MIPOL1: variants seen among roughly 807,000 people sequenced by gnomAD.
MIPOL1 encodes the protein mirror-image polydactyly 1.
MIPOL1 carries 57 observed loss-of-function variants against 60.9 expected under a neutral mutation model. The ratio of observed to expected loss-of-function variants is 0.94; its 90% CI spans 0.76 to 1.17. The LOEUF is 1.17. Among genes scored for constraint, MIPOL1 ranks in the 50% most tolerant of loss-of-function variants. The pLI, the probability that MIPOL1 is intolerant of heterozygous loss-of-function variation, is 0.00. For missense variants in MIPOL1, 551 were observed against 511.6 expected, an observed-to-expected ratio of 1.08 and a Z score of -0.74; for synonymous variants, 179 against 168.8, an observed-to-expected ratio of 1.06 and a Z score of -0.47.
At chr14:37,334,405 A>G (rs1173923860) in intron 9 of MIPOL1, among the ~76,000 whole-genome samples, 1 of 152,068 alleles carries the variant, frequency 6.6e-6, no homozygotes, top group African/African-American at 2.4e-5. Context: ...TATAAGGGAC[A>G]GTCAAGACTG....
intron 1 of MIPOL1, among the ~76,000 whole-genome samples, chr14:37,235,076 C>T (rs1971261834): frequency 1.3e-5 from 2 of 151,804 alleles, no homozygotes; most frequent in Admixed American, 1.3e-4. Context: ...CAGGCGTGAG[C>T]CATTGTGCCC....
chr14:37,434,150 C>G (rs1179199916), intron 11 of MIPOL1, among the ~76,000 whole-genome samples: 1 of 152,192 alleles, frequency 6.6e-6, no homozygotes, highest in Non-Finnish European at 1.5e-5. Flanking sequence ...CTCCCACCAA[C>G]AGTGTAAAAG....
intron 1 of MIPOL1, among the ~76,000 whole-genome samples, chr14:37,210,722 G>C (rs1966771432): frequency 6.6e-6 from 1 of 152,142 alleles, no homozygotes. Context: ...AATAGGGAAA[G>C]TCACAAACCT....
chr14:37,471,189 T>TA (rs1308125445), intron 11 of MIPOL1, among the ~76,000 whole-genome samples: 1 of 152,058 alleles, frequency 6.6e-6, no homozygotes, highest in Non-Finnish European at 1.5e-5. Context: ...GTTGAGAAGA[T>TA]AAAGACAGCA....
chr14:37,473,937 C>T (rs1463004715), intron 11 of MIPOL1, among the ~76,000 whole-genome samples: 2 of 152,160 alleles, frequency 1.3e-5, no homozygotes, highest in African/African-American at 4.8e-5. Context: ...CTCCCTTCCT[C>T]TGAATCCCTA....
intron 7 of MIPOL1, among the ~76,000 whole-genome samples, chr14:37,295,944 C>A (rs574070181): frequency 6.6e-6 from 1 of 152,066 alleles, no homozygotes; most frequent in Non-Finnish European, 1.5e-5. Flanking sequence ...CAGCTCTGCA[C>A]CAAGCAGACC....
intron 11 of MIPOL1, among the ~76,000 whole-genome samples, chr14:37,425,897 T>C (rs2093952641): frequency 6.6e-6 from 1 of 152,148 alleles, no homozygotes; most frequent in African/African-American, 2.4e-5. Context: ...AACAGAGTAT[T>C]AGATATAGAC....
At chr14:37,403,843 T>C (rs1595616388) in intron 10 of MIPOL1, among the ~76,000 whole-genome samples, 1 of 152,192 alleles carries the variant, frequency 6.6e-6, no homozygotes, top group South Asian at 2.1e-4. Context: ...ATGAGGAAGG[T>C]TTGTGAAAGG....
At chr14:37,400,866 T>C (rs1222267347) in intron 10 of MIPOL1, 1 of 152,140 alleles carries the variant, frequency 6.6e-6, no homozygotes, top group Non-Finnish European at 1.5e-5. Flanking sequence ...CCATCTGATA[T>C]GAATAGCCTT....
intron 9 of MIPOL1, among the ~76,000 whole-genome samples, chr14:37,367,500 A>ATATT (rs1227105961): frequency 1.3e-5 from 2 of 152,188 alleles, no homozygotes; most frequent in East Asian, 3.9e-4. Flanking sequence ...TGAAAATAAT[A>ATATT]GGTGGTCACA....
chr14:37,252,649 A>G (rs1232044594), intron 3 of MIPOL1, among the ~76,000 whole-genome samples: 1 of 151,904 alleles, frequency 6.6e-6, no homozygotes, highest in Non-Finnish European at 1.5e-5. Context: ...AACCTCTTGT[A>G]TTATTGATTC....
At chr14:37,322,344 A>G (rs2088667357) in intron 9 of MIPOL1, among the ~76,000 whole-genome samples, 1 of 151,914 alleles carries the variant, frequency 6.6e-6, no homozygotes, top group Non-Finnish European at 1.5e-5. Flanking sequence ...TATCCAATCA[A>G]TTCATGTTCC....
rs994372333 is a variant in MIPOL1 at position 37,500,287 on chromosome 14, T to G, written c.1262+149T>G. ...ACCCAGTGAACTTTTTTAGATTGGATACCATATGCCATATTTGGGGTCAAA... is the reference window on the plus strand; with the variant it reads ...ACCCAGTGAACTTTTTTAGATTGGAGACCATATGCCATATTTGGGGTCAAA... On this transcript the variant is annotated intron_variant, in intron 12 of 12. Coordinates refer to ENST00000684589, the MANE Select transcript of MIPOL1 (RefSeq NM_001388067.1). 4 of 645,586 alleles carry G rather than the reference T, an allele frequency of 6.2e-6. No homozygotes were observed. The Admixed American group carries it at 9.1e-5, about 15-fold the overall frequency. The allele number at this position is 645,586 out of a possible 1,614,324, so 40.0% of individuals were successfully genotyped here. A position where few individuals can be genotyped will look rare whatever the true frequency, so the allele number is the denominator to read the frequency against.
At chr14:37,331,340 T>C (rs1424540440) in intron 9 of MIPOL1, among the ~76,000 whole-genome samples, 1 of 152,120 alleles carries the variant, frequency 6.6e-6, no homozygotes, top group Non-Finnish European at 1.5e-5. Flanking sequence ...TGTAGGTTGC[T>C]TTGAGTAGTA....
At chr14:37,242,343 C>G (rs1972491014) in intron 1 of MIPOL1, among the ~76,000 whole-genome samples, 4 of 152,012 alleles carry the variant, frequency 2.6e-5, no homozygotes, top group Admixed American at 1.3e-4. Flanking sequence ...TGTGCCTATT[C>G]AAGCATGTAT....
intron 12 of MIPOL1, among the ~76,000 whole-genome samples, chr14:37,532,436 T>C (rs1185973554): frequency 6.6e-6 from 1 of 152,240 alleles, no homozygotes; most frequent in Non-Finnish European, 1.5e-5. Context: ...ATGTATGTGA[T>C]TTAATTTCAA....
rs2095550520 is a variant in MIPOL1, at chr14:37,547,140, T to C, written c.*169T>C. 3.4e-6 allele frequency: 2 copies of C among 586,788 alleles called. No homozygotes were observed. Among genetic ancestry groups the C allele is most frequent in the South Asian group, 4.8e-5 (2 of 41,430 alleles). 36.3% of individuals were successfully genotyped at this position (586,788 alleles called of 1,614,324 possible). ...ATCAAATCACAAATGTTTAACCACT[T>C]TGCTGCTGACTTGAGTTATTTATCC... On this transcript the variant is annotated 3_prime_UTR_variant, in exon 13 of 13. Transcript: ENST00000684589.
intron 9 of MIPOL1, among the ~76,000 whole-genome samples, chr14:37,330,017 A>G (rs1194374368): frequency 6.4e-5 from 2 of 31,394 alleles, no homozygotes; most frequent in East Asian, 1.2e-3. Flanking sequence ...TAGTAGTTGT[A>G]TTAGCCAGAG....
At chr14:37,525,304 A>T (rs2095440130) in intron 12 of MIPOL1, among the ~76,000 whole-genome samples, 1 of 152,172 alleles carries the variant, frequency 6.6e-6, no homozygotes, top group Non-Finnish European at 1.5e-5. Context: ...AGTGTGTAGT[A>T]CTGTGGGGAC....
Sources: allele counts gnomAD v4.1 joint callset (sites outside exome capture counted in the v4.1 genomes callset), GRCh38; gene constraint gnomAD v4.1.1; transcripts MANE v1.5; gene names NCBI Gene and HGNC (gene_info 2026-07-23, HGNC 2026-07-21).